The following SASH1 variants were observed in gnomAD, a reference collection of about 807,000 sequenced individuals.
The protein encoded by SASH1 is SAM and SH3 domain containing 1.
Under a neutral mutation model 125.2 loss-of-function variants are expected in SASH1, and 44 were observed. The observed-to-expected ratio is 0.35, with a 90% confidence interval of 0.28 to 0.45. The LOEUF is 0.45. Ranked by LOEUF, SASH1 falls within the 20% of genes least tolerant of loss-of-function variation. The pLI is 1.00. For missense variants in SASH1, 1,426 were observed against 1,614.5 expected, an observed-to-expected ratio of 0.88 and a Z score of 2.00; for synonymous variants, 639 against 649.1, an observed-to-expected ratio of 0.98 and a Z score of 0.24.
chr6:148,446,088 C>CT lies in SASH1; in HGVS notation c.386+5719dup, dbSNP rs576798745. Among the ~76,000 whole-genome samples the CT allele has an allele frequency of 7.9e-4, 56 of 71,010 alleles. 6 individuals are homozygous for CT. Among genetic ancestry groups the CT allele is most frequent in the Admixed American group, 1.4e-3 (7 of 5,088 alleles). The allele number at this position is 71,010 out of a possible 152,430, so 46.6% of individuals were successfully genotyped here. ...TTGCTATCCTGAACAACATAGGGTTCTTTTTTTTTTTTTTTTTTTTTTTTT... is the reference window on the plus strand; with the variant it reads ...TTGCTATCCTGAACAACATAGGGTTCTTTTTTTTTTTTTTTTTTTTTTTTTT... On this transcript the variant is annotated intron_variant, in intron 4 of 19. Transcript: ENST00000367467.
chr6:148,344,511 G>A (rs1391457989), intron 1 of SASH1, among the ~76,000 whole-genome samples: 9 of 151,962 alleles, frequency 5.9e-5, no homozygotes, highest in Admixed American at 5.9e-4. Flanking sequence ...AGCGAGCGTT[G>A]GTTAAAGATT....
rs747787882 is a variant in SASH1 at position 148,546,015 on chromosome 6, C to T, written c.3349C>T (p.His1117Tyr). ...DLTEEPYSDK[H>Y]GRCGIPEALV... Reference sequence around the variant, plus strand: ...GTCATATTCCTGTTCTCCCTGGCAGCATGGCCGCTGTGGGATTCCTGAAGC... The same window carrying T: ...GTCATATTCCTGTTCTCCCTGGCAGTATGGCCGCTGTGGGATTCCTGAAGC... Residue 1117 changes from histidine (H) to tyrosine (Y), a missense_variant and splice_region_variant, in exon 19 of 20, where the codon CAT (histidine) becomes TAT (tyrosine). This residue lies in a region of SASH1 where 634 missense variants were observed against 694.4 expected (regional missense o/e 0.91). Transcript: ENST00000367467. 1 of 1,613,072 alleles carries T rather than the reference C, an allele frequency of 6.2e-7. No homozygotes were observed. Among genetic ancestry groups the T allele is most frequent in the Admixed American group, 1.7e-5 (1 of 59,682 alleles).
chr6:148,438,079 A>G (rs1776369076), intron 2 of SASH1, among the ~76,000 whole-genome samples: 1 of 152,184 alleles, frequency 6.6e-6, no homozygotes, highest in South Asian at 2.1e-4. Context: ...GAATTGAACC[A>G]GTCACTTTTG....
intron 1 of SASH1, among the ~76,000 whole-genome samples, chr6:148,385,895 T>C (rs1027823819): frequency 3.3e-5 from 5 of 152,204 alleles, no homozygotes; most frequent in Non-Finnish European, 5.9e-5. Context: ...AATGTAAGTA[T>C]AGTGTTTCCC....
intron 1 of SASH1, among the ~76,000 whole-genome samples, chr6:148,371,130 A>G (rs530758819): frequency 6.6e-6 from 1 of 152,272 alleles, no homozygotes; most frequent in Admixed American, 6.5e-5. Flanking sequence ...TTACCTTCTA[A>G]GGTCTTTGTT....
intron 7 of SASH1, among the ~76,000 whole-genome samples, chr6:148,477,362 A>G (rs768584282): frequency 6.6e-6 from 1 of 152,226 alleles, no homozygotes; most frequent in East Asian, 1.9e-4. Flanking sequence ...AAACAACTCA[A>G]TAGGAAAAAA....
intron 1 of SASH1, among the ~76,000 whole-genome samples, chr6:148,353,939 A>G (rs4449650): frequency 0.91 from 139,115 of 152,190 alleles, 63,599 homozygotes; most frequent in Middle Eastern, 0.94. Flanking sequence ...GGAGGCCAAG[A>G]CAGGAGAGTT....
At chr6:148,289,825 A>G (rs559558820) in intron 1 of SASH1, among the ~76,000 whole-genome samples, 8 of 149,544 alleles carry the variant, frequency 5.3e-5, no homozygotes, top group African/African-American at 2.0e-4. Context: ...AATGACAGCC[A>G]TGAGTTCTGT....
Position 148,532,830 on chromosome 6 carries a change from C to T in SASH1, c.1598C>T (p.Thr533Ile). 1 of 1,614,240 alleles carries T rather than the reference C, an allele frequency of 6.2e-7. No homozygotes were observed. The highest frequency in any genetic ancestry group is 8.5e-7 in the Non-Finnish European group (1 of 1,180,046). ...GQTVSTTDSS[T>I]SNRESVKSED... Reference sequence around the variant, plus strand: ...ACAGTGAGCACCACTGATTCCTCAACCAGCAACCGGGAAAGCGTCAAGTCG... The same window carrying T: ...ACAGTGAGCACCACTGATTCCTCAATCAGCAACCGGGAAAGCGTCAAGTCG... Residue 533 changes from threonine (T) to isoleucine (I), a missense_variant, in exon 14 of 20, where the codon ACC becomes ATC. This residue lies in a region of SASH1 where 225 missense variants were observed against 344.5 expected (regional missense o/e 0.65). Transcript: ENST00000367467. This position sits in a 1 kb window ranked among gnomAD's most constrained non-coding sequence, Gnocchi z 4.7.
intron 2 of SASH1, among the ~76,000 whole-genome samples, chr6:148,421,034 A>C (rs1412643443): frequency 6.6e-6 from 1 of 151,866 alleles, no homozygotes; most frequent in African/African-American, 2.4e-5. Context: ...TGATGAGCCG[A>C]GATTCCGCCA....
intron 2 of SASH1, among the ~76,000 whole-genome samples, chr6:148,429,541 A>G (rs1775977688): frequency 6.6e-6 from 1 of 152,008 alleles, no homozygotes; most frequent in Admixed American, 6.6e-5. Context: ...GCTTGAGGCC[A>G]GGAGTTTGAG....
At chr6:148,511,037 A>G (rs1160157079) in intron 8 of SASH1, among the ~76,000 whole-genome samples, 1 of 151,838 alleles carries the variant, frequency 6.6e-6, no homozygotes, top group Non-Finnish European at 1.5e-5. Flanking sequence ...TGTTATTTTC[A>G]GCATTTGGGA....
At chr6:148,236,240 A>T in the SASH1 span, among the ~76,000 whole-genome samples, 7 of 150,164 alleles carry the variant, frequency 4.7e-5, no homozygotes, top group African/African-American at 1.7e-4. Context: ...TTTGAGATGG[A>T]CTCTTGCTCT....
intron 1 of SASH1, among the ~76,000 whole-genome samples, chr6:148,333,305 T>C (rs551939458): frequency 1.3e-5 from 2 of 152,150 alleles, no homozygotes; most frequent in Admixed American, 1.3e-4. Flanking sequence ...TCCAGCTACT[T>C]GGGAGCCTAA....
intron 1 of SASH1, among the ~76,000 whole-genome samples, chr6:148,336,414 G>T (rs1207410987): frequency 6.6e-6 from 1 of 152,050 alleles, no homozygotes; most frequent in South Asian, 2.1e-4. Flanking sequence ...CCGACCTCAG[G>T]TGATCCGCCC....
At chr6:148,517,920 C>T (rs899711838) in intron 9 of SASH1, among the ~76,000 whole-genome samples, 2 of 152,202 alleles carry the variant, frequency 1.3e-5, no homozygotes, top group Admixed American at 6.5e-5. Flanking sequence ...CTTTGTACAT[C>T]TGCGTGGACA....
At chr6:148,321,390 T>TAAA (rs10573800) in intron 1 of SASH1, among the ~76,000 whole-genome samples, 1 of 141,808 alleles carries the variant, frequency 7.1e-6, no homozygotes, top group Non-Finnish European at 1.5e-5. Context: ...AACTCTGTCT[T>TAAA]AAAAAAAAAA....
rs200774988 is a variant in SASH1, at chr6:148,548,301, A to T, written c.3487A>T (p.Ser1163Cys). ...LRKQHRMAIP[S>C]GGLTEICRKP... ...TCTTTCTTAATTTATCCAGATTCCA[A>T]GTGGTGGACTCACGGAAATCTGCCG... The change falls in exon 20 of 20, where the codon AGT becomes TGT. Residue 1163 changes from serine (S) to cysteine (C), a missense_variant. Ser to Cys is a moderately radical substitution (Grantham distance 112). Transcript: ENST00000367467. 6 of 1,608,948 alleles carry T rather than the reference A, an allele frequency of 3.7e-6. No homozygotes were observed. The East Asian group carries it at 1.3e-4, about 36-fold the overall frequency.
the SASH1 span, among the ~76,000 whole-genome samples, chr6:148,249,193 A>T: frequency 1.6e-4 from 25 of 152,238 alleles, no homozygotes; most frequent in Non-Finnish European, 2.4e-4. Context: ...TCTAACAAAG[A>T]ATATACAGGT....
Sources: gnomAD v4.1 joint callset for allele counts (sites outside exome capture counted in the v4.1 genomes callset) on GRCh38, gnomAD v4.1.1 for gene constraint, gnomAD v4.1.1 regional missense constraint, Gnocchi (gnomAD v3.1) non-coding constraint, MANE v1.5 for transcripts, NCBI Gene and HGNC (gene_info 2026-07-23, HGNC 2026-07-21) for gene names.